SH3RF2: variants seen among roughly 807,000 people sequenced by gnomAD.
SH3RF2 encodes E3 ubiquitin-protein ligase SH3RF2.
In SH3RF2, 43 loss-of-function variants were observed where a neutral mutation model predicts 59.0. That is an observed-to-expected ratio of 0.73 (90% CI 0.57 to 0.94). SH3RF2 has a LOEUF of 0.94. Ranked by LOEUF, SH3RF2 falls within the 40% of genes least tolerant of loss-of-function variation. The pLI, the probability that SH3RF2 is intolerant of heterozygous loss-of-function variation, is 0.00. For missense variants in SH3RF2, 930 were observed against 940.1 expected, an observed-to-expected ratio of 0.99 and a Z score of 0.14; for synonymous variants, 391 against 391.5, an observed-to-expected ratio of 1.00 and a Z score of 0.01.
intron 4 of SH3RF2, among the ~76,000 whole-genome samples, chr5:146,009,085 A>G (rs1760770403): frequency 6.6e-6 from 1 of 152,204 alleles, no homozygotes; most frequent in Non-Finnish European, 1.5e-5. Flanking sequence ...AAACTGTTAT[A>G]AACATTTGCA....
At chr5:145,950,204 C>T (rs1758141993) in intron 2 of SH3RF2, among the ~76,000 whole-genome samples, 1 of 152,204 alleles carries the variant, frequency 6.6e-6, no homozygotes, top group South Asian at 2.1e-4. Context: ...TATTTTCCCA[C>T]TTTACAGATG....
intron 2 of SH3RF2, among the ~76,000 whole-genome samples, chr5:145,967,987 A>ATT (rs57426006): frequency 0.078 from 11,820 of 152,114 alleles, 1,550 homozygotes; most frequent in African/African-American, 0.27. Flanking sequence ...TCTAGAAAAG[A>ATT]TCTCTTAACT....
chr5:145,941,131 C>T (rs775543479), intron 2 of SH3RF2, among the ~76,000 whole-genome samples: 1 of 152,180 alleles, frequency 6.6e-6, no homozygotes, highest in Non-Finnish European at 1.5e-5. Flanking sequence ...TGCCGATAAC[C>T]TGGCACCCTG....
At chr5:145,953,329 A>G (rs1450988326) in intron 2 of SH3RF2, among the ~76,000 whole-genome samples, 4 of 152,158 alleles carry the variant, frequency 2.6e-5, no homozygotes, top group African/African-American at 7.2e-5. Context: ...GTGGGTTCCA[A>G]TGAGGGAGAA....
chr5:145,983,537 A>G (rs1328535339), intron 2 of SH3RF2, among the ~76,000 whole-genome samples: 1 of 152,200 alleles, frequency 6.6e-6, no homozygotes, highest in African/African-American at 2.4e-5. Context: ...GATGAGTGTC[A>G]ATGACACCCA....
chr5:145,970,817 G>A (rs1759052270), intron 2 of SH3RF2, among the ~76,000 whole-genome samples: 1 of 152,090 alleles, frequency 6.6e-6, no homozygotes. Context: ...TAAGAAGGAA[G>A]TTAACCTTAT....
intron 2 of SH3RF2, among the ~76,000 whole-genome samples, chr5:145,992,055 A>T (rs1759954426): frequency 6.6e-6 from 1 of 152,110 alleles, no homozygotes. Flanking sequence ...CCAGATTCTC[A>T]TAGGGGGAAA....
chr5:145,991,799 C>T (rs1759942895), intron 2 of SH3RF2, among the ~76,000 whole-genome samples: 1 of 152,238 alleles, frequency 6.6e-6, no homozygotes, highest in South Asian at 2.1e-4. Flanking sequence ...GCTACTTGCA[C>T]TGCAAATATC....
intron 2 of SH3RF2, among the ~76,000 whole-genome samples, chr5:145,940,050 G>T (rs1757756884): frequency 6.6e-6 from 1 of 152,188 alleles, no homozygotes; most frequent in South Asian, 2.1e-4. Flanking sequence ...CTGGCACAGG[G>T]AATTGAGGTG....
At position 146,018,606 on chromosome 5, in the gene SH3RF2, G is replaced by A. The variant is rs573593750; in HGVS notation, c.1059+4545G>A. On this transcript the variant is annotated intron_variant, in intron 5 of 9. Coordinates refer to ENST00000359120, the MANE Select transcript of SH3RF2 (RefSeq NM_152550.4). ...ATTGTGTTGTGATAAACATATGCAC[G>A]CAGTTGTCTTTTTGTTATAATGACT... 3.6e-4 allele frequency among the ~76,000 whole-genome samples: 55 copies of A among 152,128 alleles called. No individual in the cohort carries two copies. The South Asian group carries it at 3.9e-3, about 11-fold the overall frequency.
At chr5:146,030,674 A>G (rs1761709050) in intron 5 of SH3RF2, among the ~76,000 whole-genome samples, 1 of 149,556 alleles carries the variant, frequency 6.7e-6, no homozygotes, top group South Asian at 2.2e-4. Flanking sequence ...ATTACAGCCT[A>G]TGGTCCAAAT....
At chr5:146,010,790 G>A (rs1009690025) in intron 4 of SH3RF2, among the ~76,000 whole-genome samples, 1 of 152,184 alleles carries the variant, frequency 6.6e-6, no homozygotes, top group African/African-American at 2.4e-5. Flanking sequence ...CCCTTTGTCA[G>A]ATGAGTAGAT....
chr5:146,038,942 AG>A (rs1762035478), intron 5 of SH3RF2, among the ~76,000 whole-genome samples: 1 of 152,366 alleles, frequency 6.6e-6, no homozygotes, highest in East Asian at 1.9e-4. Flanking sequence ...AAGCTAATTA[AG>A]ATGGCATGGA....
intron 2 of SH3RF2, among the ~76,000 whole-genome samples, chr5:145,978,347 A>G (rs1247332767): frequency 6.6e-6 from 1 of 152,196 alleles, no homozygotes; most frequent in Admixed American, 6.5e-5. Flanking sequence ...ACCTGGTTGC[A>G]GAGATAAGTC....
At chr5:146,037,485 G>T (rs533502062) in intron 5 of SH3RF2, among the ~76,000 whole-genome samples, 2 of 152,138 alleles carry the variant, frequency 1.3e-5, no homozygotes, top group African/African-American at 2.4e-5. Context: ...TGGGGGGTCC[G>T]CATTGGCTGG....
At chr5:146,068,082 G>A (rs1254122059), downstream of SH3RF2, among the ~76,000 whole-genome samples, 2 of 152,218 alleles carry the variant, frequency 1.3e-5, no homozygotes, top group African/African-American at 2.4e-5. Context: ...CTTGGCCTAG[G>A]AAAGGCGCTG....
chr5:145,995,628 T>G (rs1760118804), intron 2 of SH3RF2, among the ~76,000 whole-genome samples: 1 of 152,178 alleles, frequency 6.6e-6, no homozygotes, highest in Non-Finnish European at 1.5e-5. Flanking sequence ...TAATAAGCAA[T>G]ACAATTATTT....
chr5:146,009,405 C>G (rs1320761862), intron 4 of SH3RF2, among the ~76,000 whole-genome samples: 1 of 152,098 alleles, frequency 6.6e-6, no homozygotes, highest in Admixed American at 6.5e-5. Context: ...TTTCTTTCTT[C>G]TGTCTTTTTC....
intron 9 of SH3RF2, among the ~76,000 whole-genome samples, chr5:146,073,666 T>C (rs1763281865): frequency 6.6e-6 from 1 of 152,214 alleles, no homozygotes; most frequent in South Asian, 2.1e-4. Context: ...TCATTTTTTT[T>C]TCAACGGATA....
Sources: allele counts gnomAD v4.1 joint callset (sites outside exome capture counted in the v4.1 genomes callset), GRCh38; gene constraint gnomAD v4.1.1; transcripts MANE v1.5; gene names NCBI Gene and HGNC (gene_info 2026-07-23, HGNC 2026-07-21).